Variants in B3GALT1 observed in about 807,000 individuals in gnomAD.
The protein encoded by B3GALT1 is beta-1,3-galactosyltransferase 1.
A neutral mutation model predicts 23.2 loss-of-function variants in B3GALT1; 10 were observed. The ratio of observed to expected loss-of-function variants is 0.43; its 90% CI spans 0.27 to 0.73. The LOEUF (loss-of-function observed/expected upper bound fraction) is 0.73, where lower values mean the gene tolerates loss of function less well. Among genes scored for constraint, B3GALT1 ranks in the 30% least tolerant of loss-of-function variants. B3GALT1 has a pLI of 0.21. For missense variants in B3GALT1, 299 were observed against 405.4 expected, an observed-to-expected ratio of 0.74 and a Z score of 2.25; for synonymous variants, 156 against 141.5, an observed-to-expected ratio of 1.10 and a Z score of -0.73.
intron 3 of B3GALT1, among the ~76,000 whole-genome samples, chr2:167,753,553 G>C (rs1687771955): frequency 6.6e-6 from 1 of 152,114 alleles, no homozygotes; most frequent in Admixed American, 6.5e-5. Flanking sequence ...CACTGAGAAG[G>C]CATCCTGGGG....
At chr2:167,392,336 A>C (rs1698026167) in intron 1 of B3GALT1, among the ~76,000 whole-genome samples, 1 of 152,094 alleles carries the variant, frequency 6.6e-6, no homozygotes. Context: ...GGTACTCTTT[A>C]ACTTTAGGGA....
chr2:167,697,837 A>T (rs1686811051), intron 3 of B3GALT1, among the ~76,000 whole-genome samples: 1 of 152,200 alleles, frequency 6.6e-6, no homozygotes, highest in Non-Finnish European at 1.5e-5. Flanking sequence ...CAAACAAGCG[A>T]AGTGGAAGTG....
rs1687110423 is a variant in B3GALT1 at position 167,714,364 on chromosome 2, A to T, written c.-352+67398A>T. 6.0e-6 allele frequency: 9 copies of T among 1,501,242 alleles called. No homozygotes were observed. The South Asian group carries it at 9.0e-5, about 15-fold the overall frequency. 93.0% of individuals were successfully genotyped at this position (1,501,242 alleles called of 1,614,324 possible). On this transcript the variant is annotated intron_variant, in intron 3 of 4. Transcript: ENST00000392690. ...GTTCTCCTCTTTTATTGGTAATCTG[A>T]TGGTCCAGAGGATTCCCTGGGCTGC...
intron 3 of B3GALT1, among the ~76,000 whole-genome samples, chr2:167,707,520 G>A (rs746776936): frequency 4.9e-5 from 7 of 143,090 alleles, no homozygotes; most frequent in South Asian, 4.6e-4. Context: ...TTTTTTTTCC[G>A]GCTTCTAGAA....
At chr2:167,614,009 A>G (rs1345833595) in intron 2 of B3GALT1, among the ~76,000 whole-genome samples, 1 of 151,786 alleles carries the variant, frequency 6.6e-6, no homozygotes, top group Non-Finnish European at 1.5e-5. Context: ...TTCCATGAAC[A>G]CTACTCTCGT....
intron 2 of B3GALT1, among the ~76,000 whole-genome samples, chr2:167,597,111 G>GTTTTTTTTT (rs1354123455): frequency 7.4e-6 from 1 of 135,578 alleles, no homozygotes; most frequent in African/African-American, 2.9e-5. Context: ...TTTGTTTTTT[G>GTTTTTTTTT]TTTTTGTTTT....
intron 3 of B3GALT1, among the ~76,000 whole-genome samples, chr2:167,731,382 C>G (rs1279980638): frequency 6.6e-6 from 1 of 152,112 alleles, no homozygotes; most frequent in Admixed American, 6.5e-5. Context: ...TCTCTGCACA[C>G]TTAGTTTTAA....
chr2:167,311,029 G>A (rs1696627019), intron 1 of B3GALT1, among the ~76,000 whole-genome samples: 1 of 151,902 alleles, frequency 6.6e-6, no homozygotes, highest in South Asian at 2.1e-4. Flanking sequence ...TCAATAATTA[G>A]GACATTAAAA....
chr2:167,545,195 C>T (rs1683612572), intron 2 of B3GALT1, among the ~76,000 whole-genome samples: 1 of 151,642 alleles, frequency 6.6e-6, no homozygotes, highest in African/African-American at 2.4e-5. Flanking sequence ...CCACCACGCC[C>T]GGCTAATTTT....
At chr2:167,479,185 A>G (rs1360324886) in intron 1 of B3GALT1, among the ~76,000 whole-genome samples, 2 of 152,202 alleles carry the variant, frequency 1.3e-5, no homozygotes, top group African/African-American at 2.4e-5. Context: ...ACTGTGTAAA[A>G]CAAGAATATT....
chr2:167,408,737 A>T lies in B3GALT1; in HGVS notation c.-510-81440A>T, dbSNP rs1205267335. On this transcript the variant is annotated intron_variant, in intron 1 of 4. Transcript: ENST00000392690. The stretch of plus-strand genomic sequence containing the variant: ...AAATCGAGAAACCAAGCCCATTTCC[A>T]ATAGCTACAAAAATATGAAATACCT... 2.0e-5 allele frequency among the ~76,000 whole-genome samples: 3 copies of T among 151,668 alleles called. No individual in the cohort carries two copies. The East Asian group carries it at 5.8e-4, about 29-fold the overall frequency.
At chr2:167,296,289 T>A (rs1156665374) in intron 1 of B3GALT1, among the ~76,000 whole-genome samples, 3 of 151,992 alleles carry the variant, frequency 2.0e-5, no homozygotes, top group Non-Finnish European at 2.9e-5. Context: ...ATAAAACTTA[T>A]TTAATTTGTC....
intron 3 of B3GALT1, among the ~76,000 whole-genome samples, chr2:167,721,128 C>T (rs899342678): frequency 2.6e-5 from 4 of 152,094 alleles, no homozygotes. Context: ...CCAGAAAATG[C>T]TGTGCAGGTG....
chr2:167,586,377 G>T (rs1426204742), intron 2 of B3GALT1, among the ~76,000 whole-genome samples: 2 of 152,140 alleles, frequency 1.3e-5, no homozygotes, highest in East Asian at 3.9e-4. Flanking sequence ...TCGGCTCACT[G>T]CAACCTCCGC....
intron 1 of B3GALT1, among the ~76,000 whole-genome samples, chr2:167,374,505 C>A (rs905944027): frequency 6.6e-6 from 1 of 152,162 alleles, no homozygotes; most frequent in African/African-American, 2.4e-5. Flanking sequence ...TCCCTTTTCT[C>A]TACAGTTATC....
chr2:167,361,230 T>G (rs1697495068), intron 1 of B3GALT1, among the ~76,000 whole-genome samples: 1 of 151,168 alleles, frequency 6.6e-6, no homozygotes, highest in Non-Finnish European at 1.5e-5. Context: ...TTTTTTTTTT[T>G]TTTGCAGTGG....
chr2:167,699,599 A>C (rs1257311518), intron 3 of B3GALT1, among the ~76,000 whole-genome samples: 1 of 152,112 alleles, frequency 6.6e-6, no homozygotes, highest in East Asian at 1.9e-4. Flanking sequence ...ATATGAATTG[A>C]ATTTCATGAA....
At chr2:167,454,480 G>T (rs891713262) in intron 1 of B3GALT1, among the ~76,000 whole-genome samples, 2 of 152,188 alleles carry the variant, frequency 1.3e-5, no homozygotes, top group Non-Finnish European at 2.9e-5. Flanking sequence ...AGTCTAGGGA[G>T]CTGTACAGTA....
intron 3 of B3GALT1, among the ~76,000 whole-genome samples, chr2:167,704,640 G>A (rs1268161893): frequency 1.3e-5 from 2 of 152,122 alleles, no homozygotes; most frequent in Non-Finnish European, 2.9e-5. Flanking sequence ...ATGCTGTAGA[G>A]CTCCAAGTGG....
Sources: gnomAD v4.1 joint callset for allele counts (sites outside exome capture counted in the v4.1 genomes callset) on GRCh38, gnomAD v4.1.1 for gene constraint, MANE v1.5 for transcripts, NCBI Gene and HGNC (gene_info 2026-07-23, HGNC 2026-07-21) for gene names.